The following PRICKLE1 variants were observed in gnomAD, a reference collection of about 807,000 sequenced individuals.
PRICKLE1 encodes prickle planar cell polarity protein 1, also known as prickle-like protein 1.
A neutral mutation model predicts 70.2 loss-of-function variants in PRICKLE1; 14 were observed. That is an observed-to-expected ratio of 0.20 (90% CI 0.13 to 0.31). PRICKLE1 has a LOEUF of 0.31. Ranked by LOEUF, PRICKLE1 falls within the 10% of genes least tolerant of loss-of-function variation. The pLI, the probability that PRICKLE1 is intolerant of heterozygous loss-of-function variation, is 1.00. For missense variants in PRICKLE1, 821 were observed against 1,026.2 expected (o/e 0.80, Z 2.73); for synonymous variants, 357 against 379.9 (o/e 0.94, Z 0.70).
intron 5 of PRICKLE1, among the ~76,000 whole-genome samples, chr12:42,467,058 T>C (rs1426911085): frequency 5.3e-5 from 8 of 151,824 alleles, no homozygotes; most frequent in African/African-American, 1.9e-4. Context: ...GAAAAACATT[T>C]TGGGACAGAG....
Position 42,459,569 on chromosome 12 carries a change from C to A in PRICKLE1, c.*240G>T. 1.6e-6 allele frequency: 1 copy of A among 621,544 alleles called. No homozygotes were observed. The highest frequency in any genetic ancestry group is 2.8e-6 in the Non-Finnish European group (1 of 351,496). The allele number at this position is 621,544 out of a possible 1,614,324, so 38.5% of individuals were successfully genotyped here. A position where few individuals can be genotyped will look rare whatever the true frequency, so the allele number is the denominator to read the frequency against. Reference sequence around the variant, plus strand: ...CCAAAGCAGCTACGTCCATCTGTAACGCACCCGCACCGGACAGGCACGAGA... The same window carrying A: ...CCAAAGCAGCTACGTCCATCTGTAAAGCACCCGCACCGGACAGGCACGAGA... On this transcript the variant is annotated 3_prime_UTR_variant, in exon 8 of 8. Transcript: ENST00000345127.
chr12:42,533,438 C>T (rs1939959787), intron 1 of PRICKLE1, among the ~76,000 whole-genome samples: 1 of 152,128 alleles, frequency 6.6e-6, no homozygotes, highest in Admixed American at 6.5e-5. Flanking sequence ...GAGAATAATT[C>T]ACTGCTGTGA....
rs377668062 is a variant in PRICKLE1 at position 42,472,385 on chromosome 12, C to T, written c.132G>A (p.Gln44=). Residue 44 remains glutamine (Q), a splice_region_variant and synonymous_variant, in exon 2 of 8, where the codon CAG becomes CAA. Transcript: ENST00000345127. ...AAATATAGGATGATGAAGTTCCTAC[C>T]TGCTCTGGTCTCAGGCCCGGGGGGA... The part of the protein sequence containing the change: ...AWVPPGLRPE[Q]IQLYFACLPE... The T allele has an allele frequency of 4.4e-5, 71 of 1,613,976 alleles. No individual in the cohort carries two copies. Among genetic ancestry groups the T allele is most frequent in the Middle Eastern group, 1.6e-4 (1 of 6,084 alleles).
intron 1 of PRICKLE1, among the ~76,000 whole-genome samples, chr12:42,512,561 C>T (rs1176677887): frequency 1.3e-5 from 2 of 152,178 alleles, no homozygotes; most frequent in Non-Finnish European, 2.9e-5. Context: ...ACTGTATCCC[C>T]TGCCCTCTCC....
chr12:42,540,210 G>A (rs1203755716), intron 1 of PRICKLE1, among the ~76,000 whole-genome samples: 1 of 152,212 alleles, frequency 6.6e-6, no homozygotes, highest in Non-Finnish European at 1.5e-5. Flanking sequence ...ACTTCACTGT[G>A]GAGAGGATAA....
intron 1 of PRICKLE1, among the ~76,000 whole-genome samples, chr12:42,545,177 T>A (rs1170536048): frequency 6.6e-6 from 1 of 152,084 alleles, no homozygotes; most frequent in African/African-American, 2.4e-5. Context: ...CTAATTTTTT[T>A]ATTTTTTGTA....
At position 42,468,671 on chromosome 12, in the gene PRICKLE1, C is replaced by T; in HGVS notation, c.543G>A (p.Arg181=). 6.2e-7 allele frequency: 1 copy of T among 1,614,072 alleles called. No individual in the cohort carries two copies. Among genetic ancestry groups the T allele is most frequent in the South Asian group, 1.1e-5 (1 of 91,080 alleles). Residue 181 remains arginine, a synonymous_variant, in exon 5 of 8, where the codon AGG becomes AGA. Transcript: ENST00000345127. ...GTGGTTTGAGCAGTTCTGCATGGTG[C>T]CTGCCACAGTGAATTTTTCCATCCT... is the stretch of plus-strand genomic sequence containing the variant. The part of the protein sequence containing the change: ...FYQDGKIHCG[R]HHAELLKPRC...
At chr12:42,561,321 A>AC (rs1940509266) in intron 1 of PRICKLE1, among the ~76,000 whole-genome samples, 1 of 152,150 alleles carries the variant, frequency 6.6e-6, no homozygotes, top group Admixed American at 6.5e-5. Flanking sequence ...TCACTAATAG[A>AC]CCTTTCTAAC....
intron 1 of PRICKLE1, among the ~76,000 whole-genome samples, chr12:42,515,844 A>G (rs1258923038): frequency 6.6e-6 from 1 of 152,206 alleles, no homozygotes; most frequent in Admixed American, 6.5e-5. Context: ...AAATTACCTG[A>G]TGATGTACAT....
intron 1 of PRICKLE1, among the ~76,000 whole-genome samples, chr12:42,527,959 ATATATATATATATCTCCAAAGTTT>A (rs1939841289): frequency 2.4e-4 from 4 of 16,658 alleles, no homozygotes; most frequent in South Asian, 2.1e-3. Context: ...ATATATATAT[ATATATATATATATCTCCAAAGTTT>A]TATATACTAT....
intron 1 of PRICKLE1, among the ~76,000 whole-genome samples, chr12:42,505,842 A>G (rs1415934660): frequency 2.0e-5 from 3 of 152,210 alleles, no homozygotes; most frequent in Non-Finnish European, 4.4e-5. Context: ...CCTCAATCAT[A>G]TCCCTACAGA....
intron 1 of PRICKLE1, among the ~76,000 whole-genome samples, chr12:42,523,249 A>G (rs1031950505): frequency 1.2e-4 from 19 of 152,300 alleles, no homozygotes; most frequent in Admixed American, 2.0e-4. Context: ...TTACAGGCGT[A>G]AGCCACCGCG....
chr12:42,560,768 T>A (rs12297771), intron 1 of PRICKLE1, among the ~76,000 whole-genome samples: 36 of 127,770 alleles, frequency 2.8e-4, no homozygotes, highest in African/African-American at 1.1e-3. Flanking sequence ...GCCCATCTTC[T>A]CACACACACA....
intron 1 of PRICKLE1, among the ~76,000 whole-genome samples, chr12:42,585,968 T>C (rs543224617): frequency 6.6e-6 from 1 of 152,152 alleles, no homozygotes; most frequent in African/African-American, 2.4e-5. Context: ...CTGCATGAGG[T>C]TTCGAGGAAC....
chr12:42,548,801 T>C (rs1010370955), intron 1 of PRICKLE1, among the ~76,000 whole-genome samples: 4 of 152,042 alleles, frequency 2.6e-5, no homozygotes, highest in Admixed American at 2.6e-4. Flanking sequence ...AATATGAGTC[T>C]CAGAAGATTC....
chr12:42,510,962 T>C (rs907048060), intron 1 of PRICKLE1, among the ~76,000 whole-genome samples: 1 of 152,254 alleles, frequency 6.6e-6, no homozygotes, highest in African/African-American at 2.4e-5. Flanking sequence ...TTCAGAGCTT[T>C]GCCATTGTAA....
intron 1 of PRICKLE1, among the ~76,000 whole-genome samples, chr12:42,508,107 C>A (rs1939449864): frequency 6.6e-6 from 1 of 151,180 alleles, no homozygotes; most frequent in Non-Finnish European, 1.5e-5. Flanking sequence ...AAAGATAATT[C>A]TTTTATAAGG....
chr12:42,566,091 G>A (rs1940616994), intron 1 of PRICKLE1, among the ~76,000 whole-genome samples: 1 of 152,166 alleles, frequency 6.6e-6, no homozygotes, highest in Non-Finnish European at 1.5e-5. Flanking sequence ...AGGGCTCTTA[G>A]TAGAAGCACA....
chr12:42,466,174 C>G lies in PRICKLE1; in HGVS notation c.775+20G>C, dbSNP rs190710237. The G allele has an allele frequency of 1.2e-6, 2 of 1,613,662 alleles. No individual in the cohort carries two copies. The highest frequency in any genetic ancestry group is 4.5e-5 in the East Asian group (2 of 44,890). On this transcript the variant is annotated intron_variant, in intron 6 of 7. Coordinates refer to ENST00000345127, the MANE Select transcript of PRICKLE1 (RefSeq NM_153026.3). The stretch of plus-strand genomic sequence containing the variant: ...ACTAATGGCTAGGTGACAGGGCAGA[C>G]GGGCTGGCTGTGGACTTACCAATAT...
Sources: gnomAD v4.1 joint callset for allele counts (sites outside exome capture counted in the v4.1 genomes callset) on GRCh38, gnomAD v4.1.1 for gene constraint, MANE v1.5 for transcripts, NCBI Gene and HGNC (gene_info 2026-07-23, HGNC 2026-07-21) for gene names.